UNK: variants seen among roughly 807,000 people sequenced by gnomAD.
The protein encoded by UNK is unk zinc finger.
Under a neutral mutation model 97.6 loss-of-function variants are expected in UNK, and 32 were observed. The ratio of observed to expected loss-of-function variants is 0.33; its 90% CI spans 0.25 to 0.44. The LOEUF (loss-of-function observed/expected upper bound fraction) is 0.44. Ranked by LOEUF, UNK falls within the 20% of genes least tolerant of loss-of-function variation. The probability of loss-of-function intolerance (pLI) is 1.00; values close to 1 mark genes in which losing one functional copy is unlikely to be tolerated. For synonymous variants in UNK, 441 were observed against 461.2 expected, an observed-to-expected ratio of 0.96 and a Z score of 0.56; for missense variants, 771 against 1,098.4, an observed-to-expected ratio of 0.70 and a Z score of 4.21.
At chr17:75,808,452 C>T (rs1452833441) in intron 1 of UNK, among the ~76,000 whole-genome samples, 1 of 152,134 alleles carries the variant, frequency 6.6e-6, no homozygotes, top group Non-Finnish European at 1.5e-5. Flanking sequence ...AGTTCCCTTC[C>T]TATTCCACGC....
At chr17:75,803,439 G>A (rs912182874) in intron 1 of UNK, among the ~76,000 whole-genome samples, 5 of 152,094 alleles carry the variant, frequency 3.3e-5, no homozygotes, top group Admixed American at 6.6e-5. Context: ...CCTGGCTGTC[G>A]GTGAGTCCAC....
chr17:75,823,028 C>A (rs1003124099), intron 14 of UNK, among the ~76,000 whole-genome samples: 1 of 152,210 alleles, frequency 6.6e-6, no homozygotes, highest in Non-Finnish European at 1.5e-5. Context: ...CCAGCTCTAC[C>A]CTGTGTCCCT....
chr17:75,804,132 A>G (rs1022040333), intron 1 of UNK, among the ~76,000 whole-genome samples: 2 of 152,366 alleles, frequency 1.3e-5, no homozygotes, highest in East Asian at 1.9e-4. Flanking sequence ...TTGCATCTCA[A>G]TGTGAACACA....
chr17:75,819,568 G>A lies in UNK; in HGVS notation c.1547-116G>A. On this transcript the variant is annotated intron_variant, in intron 11 of 15. Transcript: ENST00000589666. The surrounding 1 kb of genome is among the most constrained non-coding windows in gnomAD (Gnocchi z 5.4). ...AGCTGAAGGAAGGGCACAGGGGCTTGGGAGAATACGGACCCAGCGTAGCAT... is the reference window on the plus strand; with the variant it reads ...AGCTGAAGGAAGGGCACAGGGGCTTAGGAGAATACGGACCCAGCGTAGCAT... The A allele has an allele frequency of 1.1e-6, 1 of 925,462 alleles. No homozygotes were observed. Among genetic ancestry groups the A allele is most frequent in the Non-Finnish European group, 1.7e-6 (1 of 586,028 alleles). 57.3% of individuals were successfully genotyped at this position (925,462 alleles called of 1,614,324 possible). A position where few individuals can be genotyped will look rare whatever the true frequency, so the allele number is the denominator to read the frequency against.
At position 75,785,065 on chromosome 17, in the gene UNK, G is replaced by A. The variant is rs148903132; in HGVS notation, c.104+81G>A. 9.8e-6 allele frequency: 10 copies of A among 1,024,450 alleles called. No homozygotes were observed. In the African/African-American group the frequency reaches 1.8e-4, roughly 18 times the overall value. The allele number at this position is 1,024,450 out of a possible 1,614,324, so 63.5% of individuals were successfully genotyped here. On this transcript the variant is annotated intron_variant, in intron 1 of 15. Coordinates refer to ENST00000589666, the MANE Select transcript of UNK (RefSeq NM_001080419.3). ...CGTGAGTCACGCGCGCAGGGAGAGC[G>A]CGAGGCGGCCTCTTCCTCCCCCCCT...
rs557562666 is a variant in UNK at position 75,788,768 on chromosome 17, G to A, written c.104+3784G>A. Among the ~76,000 whole-genome samples, 890 of 152,188 alleles carry A rather than the reference G, an allele frequency of 5.8e-3. 4 individuals are homozygous for A. Among genetic ancestry groups the A allele is most frequent in the Non-Finnish European group, 9.2e-3 (627 of 68,022 alleles). The stretch of plus-strand genomic sequence containing the variant: ...CCCAGGCTGGTGTACAGTGGCATGG[G>A]AAGGCGTGAGCCTGAGAAGGTGTGA... On this transcript the variant is annotated intron_variant, in intron 1 of 15. Transcript: ENST00000589666.
chr17:75,815,694 TA>T (rs1300137129), intron 7 of UNK, among the ~76,000 whole-genome samples: 1 of 152,106 alleles, frequency 6.6e-6, no homozygotes, highest in Non-Finnish European at 1.5e-5. Flanking sequence ...ATTTTAAAGT[TA>T]AAATATTTAA....
intron 1 of UNK, among the ~76,000 whole-genome samples, chr17:75,795,410 G>A (rs776134296): frequency 3.3e-5 from 5 of 152,066 alleles, no homozygotes; most frequent in Admixed American, 2.0e-4. Flanking sequence ...TGTGATCTCC[G>A]CTCACTGCAA....
intron 2 of UNK, among the ~76,000 whole-genome samples, chr17:75,811,222 G>T (rs1253797359): frequency 6.6e-6 from 1 of 152,202 alleles, no homozygotes; most frequent in African/African-American, 2.4e-5. Flanking sequence ...CAAGTGTTGG[G>T]ATTTACAGGG....
intron 1 of UNK, among the ~76,000 whole-genome samples, chr17:75,787,264 T>A (rs926952552): frequency 1.3e-5 from 2 of 152,120 alleles, no homozygotes; most frequent in African/African-American, 4.8e-5. Context: ...CAGGCTATAG[T>A]GCAGTGTCAC....
chr17:75,813,997 C>A, intron 6 of UNK, 119 bp downstream of exon 6: 1 of 859,336 alleles, frequency 1.2e-6, no homozygotes, highest in South Asian at 1.7e-5. Context: ...GACTTGTGGC[C>A]ACCAGCTCTC....
In UNK at chr17:75,813,810, G is replaced by A. The variant is rs369250808; in HGVS notation, c.808G>A (p.Gly270Ser). The A allele has an allele frequency of 5.2e-5, 83 of 1,600,594 alleles. No homozygotes were observed. The highest frequency in any genetic ancestry group is 6.8e-5 in the Non-Finnish European group (80 of 1,174,280). The change falls in exon 6 of 16, where the codon GGC (glycine) becomes AGC (serine). Residue 270 changes from glycine to serine, a missense_variant. By Grantham distance (56) the Gly-to-Ser change is moderately conservative (BLOSUM62 0). Transcript: ENST00000589666. ...GCACGGGGATGAGTGGGGAGACCCT[G>A]GCAAGTGTGAGAACGGAGACGCCTG... ...VKHGDEWGDP[G>S]KCENGDACQY... is the part of the protein sequence containing the mutation.
chr17:75,796,026 G>A (rs1299975623), intron 1 of UNK, among the ~76,000 whole-genome samples: 4 of 152,150 alleles, frequency 2.6e-5, no homozygotes, highest in South Asian at 2.1e-4. Context: ...GTGTGTGCAC[G>A]GGCGTGTGTG....
Position 75,817,307 on chromosome 17 carries a change from C to A in UNK, c.1105-19C>A. The A allele has an allele frequency of 6.4e-7, 1 of 1,552,914 alleles. No homozygotes were observed. The highest frequency in any genetic ancestry group is 8.7e-7 in the Non-Finnish European group (1 of 1,147,114). ...TGCGCTGTGCCCACGGGCCCACTCC[C>A]TCCCCTCCTTCTCCGCAGCTCCTCT... On this transcript the variant is annotated intron_variant, in intron 8 of 15. Transcript: ENST00000589666. This position sits in a 1 kb window ranked among gnomAD's most constrained non-coding sequence, Gnocchi z 5.8.
rs1331231226 is a variant in UNK at position 75,825,117 on chromosome 17, T to C, written c.*700T>C. The stretch of plus-strand genomic sequence containing the variant: ...AGTGCTGCAGGGCCAGCCCCACTCC[T>C]GACACCTGGGCCCTTGAAGCTCCTT... On this transcript the variant is annotated 3_prime_UTR_variant, in exon 16 of 16. Transcript: ENST00000589666. This position sits in a 1 kb window ranked among gnomAD's most constrained non-coding sequence, Gnocchi z 4.4. 1.3e-5 allele frequency: 2 copies of C among 152,202 alleles called. No individual in the cohort carries two copies. The highest frequency in any genetic ancestry group is 2.9e-5 in the Non-Finnish European group (2 of 68,016). 9.4% of individuals were successfully genotyped at this position (152,202 alleles called of 1,614,324 possible).
In UNK at chr17:75,818,836, T is replaced by C. The variant is rs1356864496; in HGVS notation, c.1546+20T>C. On this transcript the variant is annotated intron_variant, in intron 11 of 15. Transcript: ENST00000589666. This position sits in a 1 kb window ranked among gnomAD's most constrained non-coding sequence, Gnocchi z 5.1. ...TCATAGGTAACTAGGCCATTTCTGT[T>C]TGAAAGCCCAGGACTGGGTCTGGGG... The C allele has an allele frequency of 6.4e-6, 10 of 1,563,678 alleles. No individual in the cohort carries two copies. The highest frequency in any genetic ancestry group is 7.8e-6 in the Non-Finnish European group (9 of 1,152,080).
At chr17:75,788,142 C>G (rs147157878) in intron 1 of UNK, among the ~76,000 whole-genome samples, 202 of 151,686 alleles carry the variant, frequency 1.3e-3, no homozygotes, top group African/African-American at 4.7e-3. Flanking sequence ...AGAGATAGAC[C>G]CCTTTTGAAT....
Position 75,824,425 on chromosome 17 carries a change from GGCCTGGCCCA to G in UNK, c.*20_*29del. 2 of 1,493,446 alleles carry G rather than the reference GGCCTGGCCCA, an allele frequency of 1.3e-6. No homozygotes were observed. The highest frequency in any genetic ancestry group is 1.2e-5 in the South Asian group (1 of 80,456). 92.5% of individuals were successfully genotyped at this position (1,493,446 alleles called of 1,614,324 possible). ...CACACCCTCCAGTCGTGACCCTGCA[GGCCTGGCCCA>G]GCCTGGCCCAGATCTTCTCACCTAG... On this transcript the variant is annotated 3_prime_UTR_variant, in exon 16 of 16. Coordinates refer to ENST00000589666, the MANE Select transcript of UNK (RefSeq NM_001080419.3). This position sits in a 1 kb window ranked among gnomAD's most constrained non-coding sequence, Gnocchi z 4.9.
intron 1 of UNK, chr17:75,785,535 T>C (rs1325031814): frequency 2.6e-5 from 4 of 152,728 alleles, no homozygotes; most frequent in Non-Finnish European, 5.9e-5. Context: ...AACGTGTCCG[T>C]GCGTGCCCAT....
Sources: gnomAD v4.1 joint callset for allele counts (sites outside exome capture counted in the v4.1 genomes callset) on GRCh38, gnomAD v4.1.1 for gene constraint, Gnocchi (gnomAD v3.1) non-coding constraint, MANE v1.5 for transcripts, NCBI Gene and HGNC (gene_info 2026-07-23, HGNC 2026-07-21) for gene names.